The following SNTB1 variants were observed in gnomAD, a reference collection of about 807,000 sequenced individuals.
The protein encoded by SNTB1 is beta-1-syntrophin.
A neutral mutation model predicts 48.9 loss-of-function variants in SNTB1; 36 were observed. That is an observed-to-expected ratio of 0.74 (90% CI 0.56 to 0.97). The LOEUF is 0.97. Among genes scored for constraint, SNTB1 ranks in the 50% least tolerant of loss-of-function variants. The pLI is 0.00. For synonymous variants in SNTB1, 299 were observed against 294.6 expected (o/e 1.01, Z -0.15); for missense variants, 786 against 703.4 (o/e 1.12, Z -1.33).
intron 1 of SNTB1, among the ~76,000 whole-genome samples, chr8:120,705,358 C>T (rs1012369376): frequency 6.6e-6 from 1 of 152,154 alleles, no homozygotes; most frequent in Non-Finnish European, 1.5e-5. Flanking sequence ...ATAGTAAACA[C>T]TGAAAGGTAC....
chr8:120,701,619 A>G (rs1818310336), intron 1 of SNTB1, among the ~76,000 whole-genome samples: 1 of 152,218 alleles, frequency 6.6e-6, no homozygotes, highest in South Asian at 2.1e-4. Context: ...ATAGGAATAT[A>G]AGCCCACATT....
chr8:120,658,338 CA>C (rs1254281287), intron 2 of SNTB1, among the ~76,000 whole-genome samples: 1 of 152,098 alleles, frequency 6.6e-6, no homozygotes, highest in Non-Finnish European at 1.5e-5. Flanking sequence ...GAGAATCTAT[CA>C]CATAAAGGGA....
chr8:120,698,123 T>A (rs903765952), intron 1 of SNTB1, among the ~76,000 whole-genome samples: 2 of 152,156 alleles, frequency 1.3e-5, no homozygotes, highest in Admixed American at 1.3e-4. Context: ...TCAAGAAACC[T>A]AATTTGGCTT....
intron 4 of SNTB1, among the ~76,000 whole-genome samples, chr8:120,562,537 C>G (rs1284615245): frequency 1.3e-5 from 2 of 152,152 alleles, no homozygotes; most frequent in African/African-American, 4.8e-5. Flanking sequence ...CCACACTTTT[C>G]AGTTTGACAG....
At chr8:120,562,219 G>A (rs1475780742) in intron 4 of SNTB1, among the ~76,000 whole-genome samples, 1 of 152,136 alleles carries the variant, frequency 6.6e-6, no homozygotes, top group Admixed American at 6.5e-5. Flanking sequence ...ATTTACATAT[G>A]CTATCTCAAT....
chr8:120,709,582 A>G (rs1205167631), intron 1 of SNTB1, among the ~76,000 whole-genome samples: 1 of 152,228 alleles, frequency 6.6e-6, no homozygotes, highest in African/African-American at 2.4e-5. Flanking sequence ...TAATTTTCAC[A>G]ACCACCTTGT....
intron 1 of SNTB1, among the ~76,000 whole-genome samples, chr8:120,728,658 A>G (rs1436074244): frequency 6.6e-6 from 1 of 152,238 alleles, no homozygotes; most frequent in Non-Finnish European, 1.5e-5. Context: ...TGTTGCTGCA[A>G]AGGACATGAT....
At chr8:120,804,571 A>C (rs547063722) in intron 1 of SNTB1, among the ~76,000 whole-genome samples, 16 of 152,248 alleles carry the variant, frequency 1.1e-4, no homozygotes, top group African/African-American at 3.6e-4. Flanking sequence ...GAGAGTAGGA[A>C]GTCACCTACT....
intron 1 of SNTB1, among the ~76,000 whole-genome samples, chr8:120,772,643 G>T (rs1819657961): frequency 6.6e-6 from 1 of 152,136 alleles, no homozygotes; most frequent in Non-Finnish European, 1.5e-5. Flanking sequence ...CAATACCACT[G>T]GAGTCAACTA....
At chr8:120,698,307 A>C (rs1339898748) in intron 1 of SNTB1, among the ~76,000 whole-genome samples, 1 of 152,198 alleles carries the variant, frequency 6.6e-6, no homozygotes, top group East Asian at 1.9e-4. Context: ...AAATCCCTAA[A>C]TGAGTCTTGA....
intron 2 of SNTB1, among the ~76,000 whole-genome samples, chr8:120,661,738 A>G (rs1246476472): frequency 2.6e-5 from 4 of 152,152 alleles, no homozygotes; most frequent in African/African-American, 9.7e-5. Context: ...ATGAGTGAGA[A>G]CATGCAGTGT....
chr8:120,706,514 A>C (rs1255982774), intron 1 of SNTB1, among the ~76,000 whole-genome samples: 1 of 152,214 alleles, frequency 6.6e-6, no homozygotes, highest in African/African-American at 2.4e-5. Flanking sequence ...TTAATTTGCC[A>C]GCAATTTGCC....
At position 120,805,614 on chromosome 8, in the gene SNTB1, T is replaced by C. The variant is rs148755200; in HGVS notation, c.571+5659A>G. Among the ~76,000 whole-genome samples, 1,105 of 152,314 alleles carry C rather than the reference T, an allele frequency of 7.3e-3. 10 individuals are homozygous for C. The highest frequency in any genetic ancestry group is 0.027 in the Middle Eastern group (8 of 294). On this transcript the variant is annotated intron_variant, in intron 1 of 6. Coordinates refer to ENST00000517992, the MANE Select transcript of SNTB1 (RefSeq NM_021021.4). Reference sequence around the variant, plus strand: ...GAAAGGAATAAAACTTTGTTGATAATGTTAGTTCAGTGAGACCTGTGTCAG... The same window carrying C: ...GAAAGGAATAAAACTTTGTTGATAACGTTAGTTCAGTGAGACCTGTGTCAG...
At chr8:120,596,790 C>T (rs149605849) in intron 3 of SNTB1, among the ~76,000 whole-genome samples, 2 of 152,262 alleles carry the variant, frequency 1.3e-5, no homozygotes, top group Non-Finnish European at 2.9e-5. Flanking sequence ...TCTCTCTGAC[C>T]ACAGTCAGGA....
Position 120,812,017 on chromosome 8 carries a change from A to G in SNTB1, c.-174T>C. 2 of 1,266,128 alleles carry G rather than the reference A, an allele frequency of 1.6e-6. No homozygotes were observed. Among genetic ancestry groups the G allele is most frequent in the Non-Finnish European group, 2.0e-6 (2 of 1,011,608 alleles). 78.4% of individuals were successfully genotyped at this position (1,266,128 alleles called of 1,614,324 possible). On this transcript the variant is annotated 5_prime_UTR_variant, in exon 1 of 7. Coordinates refer to ENST00000517992, the MANE Select transcript of SNTB1 (RefSeq NM_021021.4). ...GCAGACGCACTCGGCGGGAGTTGGCAGCTGCACTCAGGCTGGTTCCCCCTC... is the reference window on the plus strand; with the variant it reads ...GCAGACGCACTCGGCGGGAGTTGGCGGCTGCACTCAGGCTGGTTCCCCCTC...
intron 1 of SNTB1, among the ~76,000 whole-genome samples, chr8:120,802,099 C>T (rs1173752287): frequency 6.6e-6 from 1 of 151,934 alleles, no homozygotes; most frequent in African/African-American, 2.4e-5. Context: ...CACGGGATGG[C>T]CTCTGGGATT....
intron 2 of SNTB1, among the ~76,000 whole-genome samples, chr8:120,636,625 C>T (rs1460246758): frequency 1.4e-5 from 2 of 147,038 alleles, no homozygotes; most frequent in African/African-American, 2.5e-5. Flanking sequence ...GCCACATTTT[C>T]TTAATCCAGT....
intron 2 of SNTB1, among the ~76,000 whole-genome samples, chr8:120,667,635 G>A (rs564629931): frequency 6.6e-6 from 1 of 152,316 alleles, no homozygotes; most frequent in East Asian, 1.9e-4. Context: ...TGGGATTACA[G>A]GAGTGAACAA....
At chr8:120,704,769 A>G (rs959762046) in intron 1 of SNTB1, among the ~76,000 whole-genome samples, 6 of 152,238 alleles carry the variant, frequency 3.9e-5, no homozygotes, top group Non-Finnish European at 8.8e-5. Flanking sequence ...TGATGACAAA[A>G]TTGAGATTTT....
Sources: gnomAD v4.1 joint callset for allele counts (sites outside exome capture counted in the v4.1 genomes callset) on GRCh38, gnomAD v4.1.1 for gene constraint, MANE v1.5 for transcripts, NCBI Gene and HGNC (gene_info 2026-07-23, HGNC 2026-07-21) for gene names.